VWA5A: variants seen among roughly 807,000 people sequenced by gnomAD.
VWA5A encodes the protein von Willebrand factor A domain-containing protein 5A.
A neutral mutation model predicts 84.6 loss-of-function variants in VWA5A; 77 were observed. The observed-to-expected ratio is 0.91, with a 90% confidence interval of 0.76 to 1.10. VWA5A has a LOEUF of 1.10. VWA5A is among the 50% of genes least tolerant of loss of function. The probability of loss-of-function intolerance (pLI) is 0.00; values close to 1 mark genes in which losing one functional copy is unlikely to be tolerated. For missense variants in VWA5A, 973 were observed against 963.0 expected (o/e 1.01, Z -0.14); for synonymous variants, 334 against 350.1 (o/e 0.95, Z 0.51).
intron 12 of VWA5A, 37 bp from the exon 13 acceptor site, chr11:124,136,092 A>G (rs1310669447): frequency 3.7e-6 from 6 of 1,600,926 alleles, no homozygotes; most frequent in Non-Finnish European, 3.4e-6. Context: ...CATTGTCTGT[A>G]TCATTTGTGT....
intron 11 of VWA5A, among the ~76,000 whole-genome samples, chr11:124,133,352 G>A (rs192803819): frequency 1.6e-4 from 24 of 152,296 alleles, no homozygotes; most frequent in South Asian, 2.1e-4. Flanking sequence ...TCCCGCCTGC[G>A]TGTAACCACT....
chr11:124,133,458 C>T (rs1242249183), intron 11 of VWA5A, among the ~76,000 whole-genome samples: 3 of 152,182 alleles, frequency 2.0e-5, no homozygotes, highest in African/African-American at 7.2e-5. Context: ...TCTCTCTTCT[C>T]CCAGGTCTTG....
intron 4 of VWA5A, 134 bp from the exon 5 acceptor site, chr11:124,118,055 A>G (rs1008577764): frequency 2.3e-6 from 3 of 1,279,600 alleles, no homozygotes; most frequent in African/African-American, 1.5e-5. Flanking sequence ...AAAGAAATCA[A>G]TCAGAGGCAT....
At chr11:124,123,552 G>A in intron 9 of VWA5A, 98 bp downstream of exon 9, 1 of 1,606,772 alleles carries the variant, frequency 6.2e-7, no homozygotes, top group Non-Finnish European at 8.5e-7. Flanking sequence ...TTTGGCATTG[G>A]GGGTTTCGGA....
At chr11:124,142,669 TA>T in intron 17 of VWA5A, 97 bp downstream of exon 17, 1 of 1,474,580 alleles carries the variant, frequency 6.8e-7, no homozygotes, top group Non-Finnish European at 9.2e-7. Flanking sequence ...AAGGAAAATA[TA>T]GGGGGTCATA....
intron 14 of VWA5A, 36 bp downstream of exon 14, chr11:124,136,710 TTCC>T (rs747576123): frequency 9.4e-7 from 1 of 1,066,014 alleles, no homozygotes; most frequent in East Asian, 2.6e-5. Flanking sequence ...CCTTCCTTCC[TTCC>T]TTCCTTCCTT....
rs1384212708 is a variant in VWA5A at position 124,146,282 on chromosome 11, G to A, written c.*337G>A. 4 of 213,016 alleles carry A rather than the reference G, an allele frequency of 1.9e-5. No homozygotes were observed. Among genetic ancestry groups the A allele is most frequent in the Non-Finnish European group, 3.7e-5 (4 of 107,278 alleles). The allele number at this position is 213,016 out of a possible 1,614,324, so 13.2% of individuals were successfully genotyped here. ...CATGAACTACAGACTAAAGATTGCA[G>A]CATTTATGTTAGAGAATGCTTGAAT... is the stretch of plus-strand genomic sequence containing the variant. On this transcript the variant is annotated 3_prime_UTR_variant, in exon 19 of 19. Transcript: ENST00000456829.
intron 7 of VWA5A, among the ~76,000 whole-genome samples, chr11:124,121,772 C>T (rs555196093): frequency 3.3e-5 from 5 of 152,306 alleles, no homozygotes; most frequent in South Asian, 4.1e-4. Context: ...CCACATATAA[C>T]GCTTACAATT....
rs763678720 is a variant in VWA5A, at chr11:124,122,974, G to T, written c.775G>T (p.Asp259Tyr). ...TTTCTGAACAGGTCATTTGATGGGA[G>T]ATCCATCTGCAATGGTGAGTTTCTA... is the stretch of plus-strand genomic sequence containing the variant. ...PNMKPGHLMG[D>Y]PSAMVSFYPN... is the part of the protein sequence containing the mutation. The change falls in exon 8 of 19, where the codon GAT becomes TAT. Residue 259 changes from aspartate (D) to tyrosine (Y), a missense_variant. Transcript: ENST00000456829. The T allele has an allele frequency of 1.4e-5, 23 of 1,613,422 alleles. No homozygotes were observed. The South Asian group carries it at 2.3e-4, about 16-fold the overall frequency.
intron 14 of VWA5A, 78 bp downstream of exon 14, chr11:124,136,752 C>T: frequency 1.8e-6 from 1 of 542,448 alleles, no homozygotes; most frequent in Admixed American, 2.8e-5. Flanking sequence ...TTCCTTCATT[C>T]CCTCCCTCCC....
chr11:124,116,425 G>A (rs1565612902), intron 1 of VWA5A, 141 bp from the exon 2 acceptor site: 2 of 152,216 alleles, frequency 1.3e-5, no homozygotes, highest in Admixed American at 1.3e-4. Context: ...TGCCCTTTGC[G>A]TCTCTCTCTC....
intron 11 of VWA5A, 186 bp downstream of exon 11, chr11:124,124,502 C>T: frequency 2.2e-6 from 3 of 1,353,122 alleles, no homozygotes; most frequent in Non-Finnish European, 2.8e-6. Flanking sequence ...ACATCAACAA[C>T]ACAGCAAAAC....
At chr11:124,140,234 G>T (rs1860700212) in intron 15 of VWA5A, among the ~76,000 whole-genome samples, 1 of 152,060 alleles carries the variant, frequency 6.6e-6, no homozygotes, top group Admixed American at 6.6e-5. Flanking sequence ...AAGGATATTG[G>T]CCTGTAACTT....
At chr11:124,119,134 C>A in intron 7 of VWA5A, 45 bp downstream of exon 7, 1 of 1,534,392 alleles carries the variant, frequency 6.5e-7, no homozygotes. Context: ...GGGGCAACTC[C>A]CTGTCTTGGA....
At position 124,118,293 on chromosome 11, in the gene VWA5A, C is replaced by G; in HGVS notation, c.351C>G (p.Leu117=). The change falls in exon 5 of 19, where the codon CTC becomes CTG. Residue 117 remains leucine, a synonymous_variant. Coordinates refer to ENST00000456829, the MANE Select transcript of VWA5A (RefSeq NM_001130142.2). ...TCTTCTCTTGCAATGTGGGTAACCT[C>G]CAACCTGGGTCGAAGGCGGCAGTCA... ...RDVFSCNVGN[L]QPGSKAAVTL... 6.2e-7 allele frequency: 1 copy of G among 1,614,200 alleles called. No homozygotes were observed. Among genetic ancestry groups the G allele is most frequent in the Non-Finnish European group, 8.5e-7 (1 of 1,180,044 alleles).
chr11:124,126,449 T>C (rs1865019581), intron 11 of VWA5A, among the ~76,000 whole-genome samples: 1 of 152,074 alleles, frequency 6.6e-6, no homozygotes, highest in Admixed American at 6.6e-5. Context: ...CTTAAACATA[T>C]AGAGATCTTG....
intron 11 of VWA5A, chr11:124,124,649 C>A (rs1864989914): frequency 1.2e-6 from 1 of 842,244 alleles, no homozygotes. Flanking sequence ...CAACTGGACT[C>A]ATTATCACAG....
rs1865180969 is a variant in VWA5A, at chr11:124,136,247, G to A, written c.1478G>A (p.Arg493Lys). The change falls in exon 13 of 19, where the codon AGG becomes AAG. Residue 493 changes from arginine to lysine, a missense_variant. Coordinates refer to ENST00000456829, the MANE Select transcript of VWA5A (RefSeq NM_001130142.2). ...TCCCCAGAACAGACTGTCATCTTTA[G>A]GGGTCAGAGATTAATCAGCTATGCC... The part of the protein sequence containing the change: ...MLSPEQTVIF[R>K]GQRLISYAQL... 5.6e-6 allele frequency: 9 copies of A among 1,614,124 alleles called. No homozygotes were observed. Among genetic ancestry groups the A allele is most frequent in the Non-Finnish European group, 7.6e-6 (9 of 1,180,026 alleles).
At chr11:124,135,599 C>A (rs1039194403) in intron 12 of VWA5A, among the ~76,000 whole-genome samples, 1 of 130,522 alleles carries the variant, frequency 7.7e-6, no homozygotes, top group African/African-American at 3.0e-5. Context: ...GGCGGGATCT[C>A]GGCTCACTGC....
Sources: gnomAD v4.1 joint callset for allele counts (sites outside exome capture counted in the v4.1 genomes callset) on GRCh38, gnomAD v4.1.1 for gene constraint, MANE v1.5 for transcripts, NCBI Gene and HGNC (gene_info 2026-07-23, HGNC 2026-07-21) for gene names.